The following P3H2 variants were observed in gnomAD, a reference collection of about 807,000 sequenced individuals.
P3H2 encodes prolyl 3-hydroxylase 2, also known as leprecan-like 1.
In P3H2, 80 loss-of-function variants were observed where a neutral mutation model predicts 87.0. That is an observed-to-expected ratio of 0.92 (90% CI 0.77 to 1.11). P3H2 has a LOEUF of 1.11. P3H2 is among the 50% of genes least tolerant of loss of function. The pLI, the probability that P3H2 is intolerant of heterozygous loss-of-function variation, is 0.00. For synonymous variants in P3H2, 367 were observed against 359.3 expected (o/e 1.02, Z -0.24); for missense variants, 1,001 against 923.9 (o/e 1.08, Z -1.08).
At chr3:189,986,182 C>A (rs1443318078) in intron 6 of P3H2, among the ~76,000 whole-genome samples, 2 of 152,174 alleles carry the variant, frequency 1.3e-5, no homozygotes, top group Non-Finnish European at 2.9e-5. Flanking sequence ...ATAAAACACT[C>A]CCGGGGCAAA....
At chr3:189,968,723 C>T (rs1332040224) in intron 13 of P3H2, among the ~76,000 whole-genome samples, 1 of 152,158 alleles carries the variant, frequency 6.6e-6, no homozygotes, top group Non-Finnish European at 1.5e-5. Flanking sequence ...AGTATAAAAG[C>T]ATTCCTATTT....
intron 8 of P3H2, among the ~76,000 whole-genome samples, chr3:189,979,823 C>T (rs1000280233): frequency 2.0e-5 from 3 of 151,778 alleles, no homozygotes; most frequent in Non-Finnish European, 4.4e-5. Context: ...AAGAAATTAG[C>T]CTGGCATGGT....
chr3:189,974,609 C>T lies in P3H2; in HGVS notation c.1401G>A (p.Leu467=), dbSNP rs1560343942. The part of the protein sequence containing the change: ...EQLNGTQRVL[L]DNVLSEEQCR... Reference sequence around the variant, plus strand: ...ACTGTTCTTCCGACAGGACGTTATCCAGGAGAACCCGCTGAGTCCCGTTCA... The same window carrying T: ...ACTGTTCTTCCGACAGGACGTTATCTAGGAGAACCCGCTGAGTCCCGTTCA... Residue 467 remains leucine (L), a synonymous_variant, in exon 9 of 15, where the codon CTG becomes CTA. Transcript: ENST00000319332. 2.5e-6 allele frequency: 4 copies of T among 1,614,028 alleles called. No individual in the cohort carries two copies. In the Admixed American group the frequency reaches 6.7e-5, roughly 27 times the overall value.
rs749675777 is a variant in P3H2, at chr3:189,965,969, GAAAA to G, written c.1894-1875_1894-1872del. On this transcript the variant is annotated intron_variant, in intron 13 of 14. Coordinates refer to ENST00000319332, the MANE Select transcript of P3H2 (RefSeq NM_018192.4). ...CTACTGCACTCCAGTCTGGGTGACA[GAAAA>G]AAAAAAAAAGAAAGAAAGAAAAGAA... 9.1e-4 allele frequency among the ~76,000 whole-genome samples: 70 copies of G among 76,798 alleles called. 1 individual carries two copies. The highest frequency in any genetic ancestry group is 4.0e-4 in the Non-Finnish European group (15 of 37,748). 50.4% of individuals were successfully genotyped at this position (76,798 alleles called of 152,430 possible).
At chr3:190,034,790 C>T (rs1045757081) in intron 1 of P3H2, among the ~76,000 whole-genome samples, 2 of 151,836 alleles carry the variant, frequency 1.3e-5, no homozygotes, top group Non-Finnish European at 2.9e-5. Context: ...ATTTAAATTA[C>T]ATTAAATAAT....
At chr3:190,029,532 C>A (rs1725188280) in intron 1 of P3H2, among the ~76,000 whole-genome samples, 1 of 151,364 alleles carries the variant, frequency 6.6e-6, no homozygotes, top group Non-Finnish European at 1.5e-5. Context: ...AAGTATCTGA[C>A]CAATGCACTT....
rs1470135339 is a variant in P3H2 at position 190,041,029 on chromosome 3, TATATATATACACAC to T, written c.481-45601_481-45588del. ...CAAAACCATGGCTCTACTATATATA[TATATATATACACAC>T]ACACACACACACACACACACACACA... On this transcript the variant is annotated intron_variant, in intron 1 of 14. Coordinates refer to ENST00000319332, the MANE Select transcript of P3H2 (RefSeq NM_018192.4). 4.6e-4 allele frequency among the ~76,000 whole-genome samples: 22 copies of T among 48,324 alleles called. 1 individual carries two copies. The East Asian group carries it at 0.013, about 30-fold the overall frequency. 31.7% of individuals were successfully genotyped at this position (48,324 alleles called of 152,430 possible). A position where few individuals can be genotyped will look rare whatever the true frequency, so the allele number is the denominator to read the frequency against.
intron 1 of P3H2, among the ~76,000 whole-genome samples, chr3:189,999,674 C>T (rs1404175110): frequency 3.3e-5 from 5 of 151,984 alleles, no homozygotes; most frequent in African/African-American, 4.8e-5. Flanking sequence ...ACCACAGGAG[C>T]GAGTAAGTCT....
At chr3:190,075,969 T>G (rs748139643) in intron 1 of P3H2, among the ~76,000 whole-genome samples, 1 of 152,132 alleles carries the variant, frequency 6.6e-6, no homozygotes, top group Admixed American at 6.5e-5. Context: ...AGAAAACTCC[T>G]CCAGGAAATT....
At chr3:190,017,951 A>G (rs1451174385) in intron 1 of P3H2, among the ~76,000 whole-genome samples, 1 of 152,224 alleles carries the variant, frequency 6.6e-6, no homozygotes, top group East Asian at 1.9e-4. Flanking sequence ...TAGCCCAAGT[A>G]CAACAGATCT....
intron 8 of P3H2, among the ~76,000 whole-genome samples, chr3:189,979,703 T>C (rs1723467268): frequency 6.6e-6 from 1 of 152,098 alleles, no homozygotes; most frequent in Non-Finnish European, 1.5e-5. Flanking sequence ...GGCTCAGGCC[T>C]GTAATCCCAG....
intron 1 of P3H2, among the ~76,000 whole-genome samples, chr3:190,072,418 C>T (rs1436669451): frequency 1.3e-5 from 2 of 152,222 alleles, no homozygotes; most frequent in East Asian, 3.9e-4. Flanking sequence ...CAGACAATCT[C>T]GTCCACTGAT....
intron 13 of P3H2, among the ~76,000 whole-genome samples, chr3:189,965,983 G>T (rs1156622497): frequency 8.4e-6 from 1 of 119,368 alleles, no homozygotes; most frequent in African/African-American, 3.1e-5. Flanking sequence ...AAAAAAAAAA[G>T]AAAGAAAGAA....
Position 189,994,084 on chromosome 3 carries a change from A to C in P3H2, c.823+10T>G, listed in dbSNP as rs1465418502. 6.3e-7 allele frequency: 1 copy of C among 1,596,802 alleles called. No homozygotes were observed. The highest frequency in any genetic ancestry group is 1.7e-5 in the Admixed American group (1 of 59,560). ...CAAGAAAGAAATAAAATGAAAAATTAAGCTTTTACCTGCAATAGCTTCATA... is the reference window on the plus strand; with the variant it reads ...CAAGAAAGAAATAAAATGAAAAATTCAGCTTTTACCTGCAATAGCTTCATA... On this transcript the variant is annotated intron_variant, in intron 3 of 14. Coordinates refer to ENST00000319332, the MANE Select transcript of P3H2 (RefSeq NM_018192.4).
chr3:190,114,339 A>G (rs1242987445), intron 1 of P3H2, among the ~76,000 whole-genome samples: 6 of 150,394 alleles, frequency 4.0e-5, no homozygotes, highest in Admixed American at 6.6e-5. Context: ...GCCTGCCACC[A>G]CGCCCGCCTA....
intron 1 of P3H2, among the ~76,000 whole-genome samples, chr3:190,047,735 G>C (rs115931334): frequency 0.015 from 2,223 of 152,268 alleles, 39 homozygotes; most frequent in African/African-American, 0.049. Context: ...TGATCTCATA[G>C]AGGTAGTAAG....
chr3:190,032,449 T>G (rs1447947), intron 1 of P3H2, among the ~76,000 whole-genome samples: 119,750 of 152,018 alleles, frequency 0.79, 47,220 homozygotes, highest in East Asian at 0.86. Flanking sequence ...AATTCAACAT[T>G]AAAGTTTTGG....
chr3:190,005,908 A>G (rs551689869), intron 1 of P3H2, among the ~76,000 whole-genome samples: 5 of 152,326 alleles, frequency 3.3e-5, no homozygotes, highest in South Asian at 4.1e-4. Flanking sequence ...GATGGTTTTC[A>G]TGATAGAGTT....
chr3:190,007,986 A>ATATATATATATATATATATATAT (rs1560359925), intron 1 of P3H2, among the ~76,000 whole-genome samples: 4 of 141,568 alleles, frequency 2.8e-5, no homozygotes, highest in South Asian at 2.2e-4. Flanking sequence ...ATATATATAT[A>ATATATATATATATATATATATAT]GTAAACTTCA....
Sources: gnomAD v4.1 joint callset for allele counts (sites outside exome capture counted in the v4.1 genomes callset) on GRCh38, gnomAD v4.1.1 for gene constraint, MANE v1.5 for transcripts, NCBI Gene and HGNC (gene_info 2026-07-23, HGNC 2026-07-21) for gene names.